Variants in TMCO1 observed in about 807,000 individuals in gnomAD.
TMCO1 encodes the protein transmembrane and coiled-coil domains 1.
In TMCO1, 29 loss-of-function variants were observed where a neutral mutation model predicts 29.3. The observed-to-expected ratio is 0.99, with a 90% CI of 0.74 to 1.35. The LOEUF (loss-of-function observed/expected upper bound fraction) is 1.35, where lower values mean the gene tolerates loss of function less well. Among genes scored for constraint, TMCO1 ranks in the 40% most tolerant of loss-of-function variants. The pLI is 0.00. For missense variants in TMCO1, 173 were observed against 225.5 expected, an observed-to-expected ratio of 0.77 and a Z score of 1.49; for synonymous variants, 80 against 77.1, an observed-to-expected ratio of 1.04 and a Z score of -0.20.
At chr1:165,724,915 C>T (rs1650788742), downstream of TMCO1, 1 of 453,042 alleles carries the variant, frequency 2.2e-6, no homozygotes, top group Non-Finnish European at 4.4e-6. Context: ...TTACAGATGA[C>T]ACAAATTAGC....
chr1:165,726,723 C>T, downstream of TMCO1: 1 of 454,032 alleles, frequency 2.2e-6, no homozygotes, highest in Non-Finnish European at 4.4e-6. Context: ...TTCTTGTATG[C>T]CATACCTTCA....
intron 5 of TMCO1, among the ~76,000 whole-genome samples, chr1:165,745,036 C>T (rs73022530): frequency 0.013 from 2,017 of 151,806 alleles, 54 homozygotes; most frequent in African/African-American, 0.047. Flanking sequence ...TTTTTGTTTG[C>T]TTCACACAGG....
In TMCO1 at chr1:165,743,746, C is replaced by T. The variant is rs148429761; in HGVS notation, c.324-435G>A. ...TCGGCTCATTGCAACCTTCGCCTCC[C>T]GGGTTCAAGCGATATAAAATCTTTT... is the stretch of plus-strand genomic sequence containing the variant. On this transcript the variant is annotated intron_variant, in intron 5 of 6. Transcript: ENST00000367881. Among the ~76,000 whole-genome samples, 1,013 of 151,926 alleles carry T rather than the reference C, an allele frequency of 6.7e-3. 16 individuals carry two copies. The highest frequency in any genetic ancestry group is 0.022 in the African/African-American group (915 of 41,438).
downstream of TMCO1, chr1:165,724,741 AT>A (rs1391030316): frequency 2.2e-6 from 1 of 453,436 alleles, no homozygotes; most frequent in South Asian, 1.6e-5. Context: ...AACTGCAAAA[AT>A]TTTTGACATC....
chr1:165,755,099 C>T (rs559149038), intron 3 of TMCO1: 5 of 152,242 alleles, frequency 3.3e-5, no homozygotes, highest in Admixed American at 3.3e-4. Context: ...AGAGAATAAT[C>T]TGGAAATATG....
chr1:165,746,376 T>A (rs558446972), intron 5 of TMCO1, among the ~76,000 whole-genome samples: 1 of 150,908 alleles, frequency 6.6e-6, no homozygotes, highest in Non-Finnish European at 1.5e-5. Context: ...CTGATTATAA[T>A]GAAGCTTTCA....
chr1:165,768,044 A>G, intron 2 of TMCO1, 148 bp downstream of exon 2: 1 of 730,048 alleles, frequency 1.4e-6, no homozygotes, highest in Non-Finnish European at 2.4e-6. Flanking sequence ...TTGGTATTAC[A>G]CATTTTGCAT....
chr1:165,732,838 T>C (rs929861129), intron 6 of TMCO1, among the ~76,000 whole-genome samples: 3 of 152,246 alleles, frequency 2.0e-5, no homozygotes, highest in Non-Finnish European at 4.4e-5. Context: ...ATAACAGTTG[T>C]ATTAATAATA....
rs569161289 is a variant in TMCO1 at position 165,736,997 on chromosome 1, A to G, written c.468+6170T>C. On this transcript the variant is annotated intron_variant, in intron 6 of 6. Transcript: ENST00000367881. The stretch of plus-strand genomic sequence containing the variant: ...AATTTTTGTATTTTTTGTAGAGATG[A>G]GATTTTGCTCTGTTATCCAGGCTGG... Among the ~76,000 whole-genome samples the G allele has an allele frequency of 1.2e-4, 19 of 152,200 alleles. No individual in the cohort carries two copies. In the East Asian group the frequency reaches 2.9e-3, roughly 23 times the overall value.
intron 2 of TMCO1, among the ~76,000 whole-genome samples, chr1:165,765,697 A>G (rs566205307): frequency 6.6e-6 from 1 of 152,356 alleles, no homozygotes; most frequent in Admixed American, 6.5e-5. Context: ...ATTTCTAAGC[A>G]GAAGGAATCA....
chr1:165,754,449 G>A (rs1263747024), intron 3 of TMCO1, among the ~76,000 whole-genome samples, 175 bp from the exon 4 acceptor site: 1 of 152,140 alleles, frequency 6.6e-6, no homozygotes, highest in Non-Finnish European at 1.5e-5. Context: ...AAATGCAGCA[G>A]AGCACCAAAA....
chr1:165,739,023 T>A (rs932213484), intron 6 of TMCO1, among the ~76,000 whole-genome samples: 3 of 152,176 alleles, frequency 2.0e-5, no homozygotes, highest in African/African-American at 7.2e-5. Context: ...TGAATTTGCA[T>A]ACACCTGGAC....
downstream of TMCO1, chr1:165,724,623 A>G (rs541108652): frequency 4.4e-6 from 2 of 454,088 alleles, no homozygotes. Context: ...ACAAGGCTCT[A>G]GTGATTCTGA....
chr1:165,735,281 C>A (rs958690871), intron 6 of TMCO1, among the ~76,000 whole-genome samples: 1 of 152,064 alleles, frequency 6.6e-6, no homozygotes, highest in African/African-American at 2.4e-5. Context: ...TGCAGAAAGA[C>A]AAAATGTTTT....
At chr1:165,724,733 C>A (rs755799728), downstream of TMCO1, 8 of 453,288 alleles carry the variant, frequency 1.8e-5, no homozygotes, top group South Asian at 1.2e-4. Flanking sequence ...TTCCAAAAAA[C>A]TGCAAAAATT....
chr1:165,740,369 T>A (rs1435758558), intron 6 of TMCO1, among the ~76,000 whole-genome samples: 1 of 151,300 alleles, frequency 6.6e-6, no homozygotes, highest in Non-Finnish European at 1.5e-5. Context: ...CCCAGCTAAT[T>A]TTCTTTGTAT....
rs1286173449 is a variant in TMCO1, at chr1:165,727,346, T to G, written c.*677A>C. 1 of 453,876 alleles carries G rather than the reference T, an allele frequency of 2.2e-6. No individual in the cohort carries two copies. The highest frequency in any genetic ancestry group is 4.4e-6 in the Non-Finnish European group (1 of 226,790). 28.1% of individuals were successfully genotyped at this position (453,876 alleles called of 1,614,324 possible). A position where few individuals can be genotyped will look rare whatever the true frequency, so the allele number is the denominator to read the frequency against. On this transcript the variant is annotated 3_prime_UTR_variant, in exon 7 of 7. Transcript: ENST00000367881. ...CTTGCCAAGACCCTCATTTTTAAACTCCAACGAGTTATTACGTTCCTTTCC... is the reference window on the plus strand; with the variant it reads ...CTTGCCAAGACCCTCATTTTTAAACGCCAACGAGTTATTACGTTCCTTTCC...
chr1:165,752,778 G>A (rs1008030620), intron 4 of TMCO1, among the ~76,000 whole-genome samples: 2 of 151,456 alleles, frequency 1.3e-5, no homozygotes, highest in Admixed American at 1.3e-4. Context: ...CCAGGCGACA[G>A]AGTGAGACTC....
chr1:165,750,701 A>G (rs112001416), intron 5 of TMCO1, among the ~76,000 whole-genome samples: 200 of 152,344 alleles, frequency 1.3e-3, no homozygotes, highest in Non-Finnish European at 2.5e-3. Flanking sequence ...TTACAAAACA[A>G]CCATTCTTCT....
Sources: allele counts gnomAD v4.1 joint callset (sites outside exome capture counted in the v4.1 genomes callset), GRCh38; gene constraint gnomAD v4.1.1; transcripts MANE v1.5; gene names NCBI Gene and HGNC (gene_info 2026-07-23, HGNC 2026-07-21).